The following DPYD variants were observed in gnomAD, a reference collection of about 807,000 sequenced individuals.
The protein encoded by DPYD is dihydropyrimidine dehydrogenase [NADP(+)].
In DPYD, 109 loss-of-function variants were observed where a neutral mutation model predicts 116.2. The observed-to-expected ratio is 0.94, with a 90% CI of 0.80 to 1.10. The LOEUF (loss-of-function observed/expected upper bound fraction) is 1.10, where lower values mean the gene tolerates loss of function less well. Ranked by LOEUF, DPYD falls within the 50% of genes least tolerant of loss-of-function variation. The pLI is 0.00. For missense variants in DPYD, 1,302 were observed against 1,254.5 expected (o/e 1.04, Z -0.57); for synonymous variants, 440 against 432.0 (o/e 1.02, Z -0.23).
chr1:97,176,501 AG>A (rs1313434776), intron 20 of DPYD, among the ~76,000 whole-genome samples: 2 of 152,212 alleles, frequency 1.3e-5, no homozygotes, highest in Admixed American at 6.5e-5. Flanking sequence ...GTCAGAAAAG[AG>A]CTGTCGGGAG....
At chr1:97,525,888 G>A (rs528462042) in intron 12 of DPYD, among the ~76,000 whole-genome samples, 21 of 66,352 alleles carry the variant, frequency 3.2e-4, no homozygotes, top group East Asian at 3.1e-3. Flanking sequence ...GTGTGTGTGC[G>A]CGCGCGCGTG....
chr1:97,435,443 G>C (rs193198811), intron 14 of DPYD, among the ~76,000 whole-genome samples: 297 of 152,036 alleles, frequency 2.0e-3, no homozygotes, highest in South Asian at 0.017. Context: ...TTATATCAAA[G>C]TATACTTCAT....
intron 13 of DPYD, among the ~76,000 whole-genome samples, chr1:97,471,993 TAAAG>T (rs762504333): frequency 3.3e-5 from 5 of 152,210 alleles, no homozygotes; most frequent in Non-Finnish European, 7.3e-5. Context: ...TTTAGAGACT[TAAAG>T]ACAGGTCATA....
At position 97,882,021 on chromosome 1, in the gene DPYD, A is replaced by G. The variant is rs1452618243; in HGVS notation, c.150+1243T>C. Among the ~76,000 whole-genome samples, 8 of 151,726 alleles carry G rather than the reference A, an allele frequency of 5.3e-5. No individual in the cohort carries two copies. In the South Asian group the frequency reaches 1.0e-3, roughly 20 times the overall value. ...ACTTAAAGTATAATAATAATAAAAA[A>G]AAGAAAAAAAACTATAATAAAAAAA... On this transcript the variant is annotated intron_variant, in intron 2 of 22. Coordinates refer to ENST00000370192, the MANE Select transcript of DPYD (RefSeq NM_000110.4).
chr1:97,569,445 TA>T (rs200561163), intron 11 of DPYD, among the ~76,000 whole-genome samples: 3,456 of 148,216 alleles, frequency 0.023, 63 homozygotes, highest in Non-Finnish European at 0.034. Flanking sequence ...ATATTATATT[TA>T]TATTATACAT....
rs139542238 is a variant in DPYD at position 97,849,978 on chromosome 1, A to G, written c.151-21782T>C. ...AAATTTCCTGCCTGAGAAGTAAATG[A>G]CTGAGGGGAAAAAATTATAGACCAT... On this transcript the variant is annotated intron_variant, in intron 2 of 22. Coordinates refer to ENST00000370192, the MANE Select transcript of DPYD (RefSeq NM_000110.4). Among the ~76,000 whole-genome samples the G allele has an allele frequency of 3.3e-5, 5 of 152,328 alleles. No individual in the cohort carries two copies. The East Asian group carries it at 7.7e-4, about 23-fold the overall frequency.
chr1:97,143,467 C>A (rs553302516), intron 20 of DPYD, among the ~76,000 whole-genome samples: 18 of 152,202 alleles, frequency 1.2e-4, no homozygotes, highest in Admixed American at 5.9e-4. Flanking sequence ...AACCACTTGT[C>A]CACAGGTGGA....
intron 20 of DPYD, among the ~76,000 whole-genome samples, chr1:97,122,222 C>CA (rs1450628087): frequency 6.6e-6 from 1 of 152,024 alleles, no homozygotes; most frequent in Non-Finnish European, 1.5e-5. Flanking sequence ...AGGTGACTAT[C>CA]ATATAGAGGC....
Position 97,546,051 on chromosome 1 carries a change from G to A in DPYD, c.1524+3509C>T, listed in dbSNP as rs1650830551. On this transcript the variant is annotated intron_variant, in intron 12 of 22. Transcript: ENST00000370192. ...AAAATCACAGGTGTTAGATGATGAAGACAGCAACAACATCACAGTAGGATC... is the reference window on the plus strand; with the variant it reads ...AAAATCACAGGTGTTAGATGATGAAAACAGCAACAACATCACAGTAGGATC... The A allele has an allele frequency of 2.2e-6, 3 of 1,395,200 alleles. No homozygotes were observed. The East Asian group carries it at 6.8e-5, about 32-fold the overall frequency. 86.4% of individuals were successfully genotyped at this position (1,395,200 alleles called of 1,614,324 possible).
intron 21 of DPYD, among the ~76,000 whole-genome samples, chr1:97,087,397 G>A (rs940536121): frequency 6.6e-6 from 1 of 152,182 alleles, no homozygotes; most frequent in Non-Finnish European, 1.5e-5. Context: ...AATAACTAAG[G>A]ACTCGGCTTG....
chr1:97,634,282 A>C (rs1256220492), intron 8 of DPYD, among the ~76,000 whole-genome samples: 1 of 152,172 alleles, frequency 6.6e-6, no homozygotes, highest in Non-Finnish European at 1.5e-5. Flanking sequence ...TTCTAATGCT[A>C]AGAACAAAAA....
intron 16 of DPYD, chr1:97,322,923 T>C (rs1668385327): frequency 6.6e-6 from 1 of 151,896 alleles, no homozygotes; most frequent in East Asian, 1.9e-4. Flanking sequence ...TGTCTATTGT[T>C]TTAAGGATTA....
rs144504035 is a variant in DPYD, at chr1:97,203,837, G to A, written c.2443-10589C>T. ...AAAAAAAGAACAACTCACCTACAATGAGAAACATTTGTTAACATGAAAATA... is the reference window on the plus strand; with the variant it reads ...AAAAAAAGAACAACTCACCTACAATAAGAAACATTTGTTAACATGAAAATA... On this transcript the variant is annotated intron_variant, in intron 19 of 22. Transcript: ENST00000370192. Among the ~76,000 whole-genome samples the A allele has an allele frequency of 1.5e-3, 198 of 134,080 alleles. 6 individuals carry two copies. The East Asian group carries it at 0.044, about 30-fold the overall frequency. 88.0% of individuals were successfully genotyped at this position (134,080 alleles called of 152,430 possible). A position where few individuals can be genotyped will look rare whatever the true frequency, so the allele number is the denominator to read the frequency against.
intron 5 of DPYD, among the ~76,000 whole-genome samples, chr1:97,703,779 A>G (rs1376048115): frequency 1.3e-5 from 2 of 152,066 alleles, no homozygotes; most frequent in Non-Finnish European, 2.9e-5. Context: ...GAGCATAGTT[A>G]ATGGGAAATA....
intron 2 of DPYD, among the ~76,000 whole-genome samples, chr1:97,842,898 C>T (rs1670106967): frequency 6.6e-6 from 1 of 152,078 alleles, no homozygotes; most frequent in Non-Finnish European, 1.5e-5. Flanking sequence ...ATCTAAAGCA[C>T]TTATACTTCC....
chr1:97,239,568 G>A (rs560241107), intron 18 of DPYD, among the ~76,000 whole-genome samples: 7 of 151,894 alleles, frequency 4.6e-5, no homozygotes, highest in Non-Finnish European at 1.0e-4. Flanking sequence ...GTTATTTCAA[G>A]TTAATAATTT....
At chr1:97,199,967 A>G (rs1393935264) in intron 19 of DPYD, among the ~76,000 whole-genome samples, 1 of 152,242 alleles carries the variant, frequency 6.6e-6, no homozygotes, top group African/African-American at 2.4e-5. Flanking sequence ...ACTTCATCTG[A>G]AAAGTAAAAT....
At chr1:97,142,162 CA>C in intron 20 of DPYD, among the ~76,000 whole-genome samples, 1 of 152,130 alleles carries the variant, frequency 6.6e-6, no homozygotes, top group East Asian at 1.9e-4. Flanking sequence ...AATAAATTAA[CA>C]GAATCAATCT....
At chr1:97,414,532 G>T (rs1055355077) in intron 14 of DPYD, among the ~76,000 whole-genome samples, 1 of 152,158 alleles carries the variant, frequency 6.6e-6, no homozygotes, top group Non-Finnish European at 1.5e-5. Context: ...CATCAGAGGG[G>T]GCTCAGAATA....
Sources: allele counts gnomAD v4.1 joint callset (sites outside exome capture counted in the v4.1 genomes callset), GRCh38; gene constraint gnomAD v4.1.1; transcripts MANE v1.5; gene names NCBI Gene and HGNC (gene_info 2026-07-23, HGNC 2026-07-21).